Variants in INPP4B observed in about 807,000 individuals in gnomAD.
The protein encoded by INPP4B is inositol polyphosphate 4-phosphatase type II.
Under a neutral mutation model 122.5 loss-of-function variants are expected in INPP4B, and 55 were observed. The observed-to-expected ratio is 0.45, with a 90% CI of 0.36 to 0.56. INPP4B has a LOEUF of 0.56. INPP4B is among the 20% of genes least tolerant of loss of function. INPP4B has a pLI of 0.00. For missense variants in INPP4B, 1,000 were observed against 1,097.7 expected, an observed-to-expected ratio of 0.91 and a Z score of 1.26; for synonymous variants, 403 against 388.7, an observed-to-expected ratio of 1.04 and a Z score of -0.43.
At chr4:142,109,955 C>T (rs1789165660) in intron 22 of INPP4B, among the ~76,000 whole-genome samples, 2 of 152,086 alleles carry the variant, frequency 1.3e-5, no homozygotes, top group South Asian at 4.1e-4. Context: ...GGGATACAGA[C>T]CCCAAAAATC....
At chr4:142,421,405 C>G (rs1365886620) in intron 5 of INPP4B, among the ~76,000 whole-genome samples, 1 of 152,132 alleles carries the variant, frequency 6.6e-6, no homozygotes, top group Non-Finnish European at 1.5e-5. Context: ...TGGCCTGAGC[C>G]TCCTCTGAGT....
intron 2 of INPP4B, among the ~76,000 whole-genome samples, chr4:142,582,230 G>C (rs960293170): frequency 2.0e-5 from 3 of 151,846 alleles, no homozygotes; most frequent in Non-Finnish European, 4.4e-5. Flanking sequence ...ATGGCTATAG[G>C]TTGTAAAAAA....
intron 9 of INPP4B, among the ~76,000 whole-genome samples, chr4:142,297,716 G>A (rs1013267318): frequency 2.0e-5 from 3 of 152,156 alleles, no homozygotes; most frequent in Non-Finnish European, 4.4e-5. Context: ...CCAGCCTCAA[G>A]TATTTCTTTA....
chr4:142,243,297 T>C (rs892819176), intron 11 of INPP4B, among the ~76,000 whole-genome samples: 2 of 152,122 alleles, frequency 1.3e-5, no homozygotes, highest in Non-Finnish European at 2.9e-5. Flanking sequence ...AGTTGAAGCA[T>C]TTAAAGTCAT....
At chr4:142,531,697 C>T (rs937998451) in intron 2 of INPP4B, among the ~76,000 whole-genome samples, 2 of 151,668 alleles carry the variant, frequency 1.3e-5, no homozygotes, top group Non-Finnish European at 2.9e-5. Flanking sequence ...AACAAGCCTG[C>T]GTGAAGGTCA....
chr4:142,265,837 G>A (rs1243239088), intron 10 of INPP4B, among the ~76,000 whole-genome samples: 1 of 152,118 alleles, frequency 6.6e-6, no homozygotes, highest in East Asian at 1.9e-4. Context: ...TCCTAAGCCA[G>A]AAACACTATG....
intron 2 of INPP4B, among the ~76,000 whole-genome samples, chr4:142,662,568 C>G (rs895250204): frequency 2.6e-5 from 4 of 152,080 alleles, no homozygotes; most frequent in African/African-American, 9.7e-5. Context: ...ACCAAAGGAA[C>G]TTGAGAAGAG....
chr4:142,666,358 G>T (rs1756058947), intron 2 of INPP4B, among the ~76,000 whole-genome samples: 1 of 151,822 alleles, frequency 6.6e-6, no homozygotes, highest in Admixed American at 6.6e-5. Context: ...AAAAAGTAAA[G>T]CTTAAAAATA....
At chr4:142,078,849 G>T (rs1772270274) in intron 25 of INPP4B, among the ~76,000 whole-genome samples, 1 of 152,010 alleles carries the variant, frequency 6.6e-6, no homozygotes, top group Non-Finnish European at 1.5e-5. Context: ...CCTGGAAGGT[G>T]ATTGGAGTAA....
intron 2 of INPP4B, among the ~76,000 whole-genome samples, chr4:142,516,249 G>A (rs1445642216): frequency 6.6e-6 from 1 of 151,992 alleles, no homozygotes; most frequent in African/African-American, 2.4e-5. Flanking sequence ...CAATACCAAA[G>A]GAATACTGAA....
At chr4:142,077,068 TC>T (rs1480154398) in intron 25 of INPP4B, among the ~76,000 whole-genome samples, 1 of 151,886 alleles carries the variant, frequency 6.6e-6, no homozygotes. Context: ...TAAATTATGC[TC>T]CCCCAACAGA....
intron 7 of INPP4B, among the ~76,000 whole-genome samples, chr4:142,357,200 G>A (rs1383052801): frequency 3.3e-5 from 5 of 152,070 alleles, no homozygotes; most frequent in East Asian, 1.9e-4. Context: ...AGGGGATGGC[G>A]GGAATCTCTG....
chr4:142,611,926 C>G (rs1742628889), intron 2 of INPP4B, among the ~76,000 whole-genome samples: 1 of 152,146 alleles, frequency 6.6e-6, no homozygotes, highest in Non-Finnish European at 1.5e-5. Context: ...GCCTCAGCCT[C>G]CCAAAGTGCT....
chr4:142,138,044 T>C lies in INPP4B; in HGVS notation c.1720+7796A>G, dbSNP rs1465061627. On this transcript the variant is annotated intron_variant, in intron 18 of 25. Coordinates refer to ENST00000262992, the MANE Select transcript of INPP4B (RefSeq NM_001101669.3). ...AGCCATCCCATTACTGGGTATATAC[T>C]CAAAGGACTATAAATCATGCTGCTA... is the stretch of plus-strand genomic sequence containing the variant. 2.3e-4 allele frequency among the ~76,000 whole-genome samples: 35 copies of C among 152,014 alleles called. No individual in the cohort carries two copies. In the East Asian group the frequency reaches 5.1e-3, roughly 22 times the overall value.
chr4:142,330,291 AT>A (rs1262847157), intron 7 of INPP4B, among the ~76,000 whole-genome samples: 1 of 152,194 alleles, frequency 6.6e-6, no homozygotes, highest in Non-Finnish European at 1.5e-5. Flanking sequence ...ATTAACAGGA[AT>A]TTTGAGAAGT....
intron 2 of INPP4B, among the ~76,000 whole-genome samples, chr4:142,561,024 A>T (rs1730361899): frequency 6.6e-6 from 1 of 152,238 alleles, no homozygotes; most frequent in South Asian, 2.1e-4. Flanking sequence ...TTCCACAGGG[A>T]ATTACTGCCA....
At chr4:142,843,166 T>C (rs1440806424) in intron 1 of INPP4B, among the ~76,000 whole-genome samples, 2 of 151,498 alleles carry the variant, frequency 1.3e-5, no homozygotes, top group Non-Finnish European at 3.0e-5. Context: ...AGGTATATAC[T>C]GCTCTAAAGT....
chr4:142,756,184 G>A (rs192782635), intron 1 of INPP4B, among the ~76,000 whole-genome samples: 1 of 152,134 alleles, frequency 6.6e-6, no homozygotes, highest in East Asian at 1.9e-4. Context: ...TTTGCTCCTC[G>A]ATGTTGTCAT....
chr4:142,508,431 T>C (rs113231680), intron 2 of INPP4B, among the ~76,000 whole-genome samples: 13 of 152,252 alleles, frequency 8.5e-5, no homozygotes, highest in African/African-American at 3.1e-4. Context: ...CATGCTACCA[T>C]GCCTGGCTAA....
Sources: gnomAD v4.1 joint callset for allele counts (sites outside exome capture counted in the v4.1 genomes callset) on GRCh38, gnomAD v4.1.1 for gene constraint, MANE v1.5 for transcripts, NCBI Gene and HGNC (gene_info 2026-07-23, HGNC 2026-07-21) for gene names.